FAM107B: variants seen among roughly 807,000 people sequenced by gnomAD.
FAM107B encodes protein FAM107B.
In FAM107B, 21 loss-of-function variants were observed where a neutral mutation model predicts 31.5. The ratio of observed to expected loss-of-function variants is 0.67; its 90% CI spans 0.47 to 0.96. The LOEUF (loss-of-function observed/expected upper bound fraction) is 0.96, where lower values mean the gene tolerates loss of function less well. Ranked by LOEUF, FAM107B falls within the 40% of genes least tolerant of loss-of-function variation. The pLI, the probability that FAM107B is intolerant of heterozygous loss-of-function variation, is 0.00. For synonymous variants in FAM107B, 157 were observed against 141.5 expected (o/e 1.11, Z -0.78); for missense variants, 452 against 377.1 (o/e 1.20, Z -1.64).
At chr10:14,705,849 A>G (rs1564631701) in intron 1 of FAM107B, among the ~76,000 whole-genome samples, 1 of 152,174 alleles carries the variant, frequency 6.6e-6, no homozygotes, top group East Asian at 1.9e-4. Context: ...CTGAGAGGCC[A>G]AAACAGATGC....
intron 2 of FAM107B, chr10:14,604,533 G>A (rs1396111911): frequency 1.3e-5 from 2 of 151,806 alleles, no homozygotes; most frequent in South Asian, 2.1e-4. Context: ...CGCGCGTCGG[G>A]CGGAGATCCA....
intron 2 of FAM107B, among the ~76,000 whole-genome samples, chr10:14,557,488 C>G (rs970994205): frequency 4.6e-5 from 7 of 152,234 alleles, no homozygotes; most frequent in African/African-American, 1.7e-4. Context: ...TTTCTCCCTA[C>G]TAAGTACCCA....
intron 1 of FAM107B, among the ~76,000 whole-genome samples, chr10:14,747,426 TTATC>T (rs1290381676): frequency 6.6e-6 from 1 of 152,242 alleles, no homozygotes; most frequent in Non-Finnish European, 1.5e-5. Context: ...CTTTGTGAGT[TTATC>T]TAGCTTCAAT....
intron 2 of FAM107B, among the ~76,000 whole-genome samples, chr10:14,639,766 T>C (rs532037142): frequency 1.4e-4 from 21 of 152,216 alleles, no homozygotes; most frequent in African/African-American, 4.6e-4. Flanking sequence ...TCCAGCCTCA[T>C]CTCCCATCTT....
intron 2 of FAM107B, among the ~76,000 whole-genome samples, chr10:14,576,509 A>G (rs1851470317): frequency 6.9e-6 from 1 of 145,712 alleles, no homozygotes; most frequent in Non-Finnish European, 1.5e-5. Context: ...CCTAGGCAAC[A>G]GTGCAAGACT....
chr10:14,644,594 C>T (rs1016029334), intron 2 of FAM107B, among the ~76,000 whole-genome samples: 1 of 152,208 alleles, frequency 6.6e-6, no homozygotes. Flanking sequence ...TTCTCATTTG[C>T]CATATGGCAT....
chr10:14,714,057 TA>T (rs1021694512), intron 1 of FAM107B, among the ~76,000 whole-genome samples: 1 of 151,652 alleles, frequency 6.6e-6, no homozygotes, highest in East Asian at 1.9e-4. Flanking sequence ...AAGGTGAGGA[TA>T]AAAAAAACTG....
chr10:14,744,427 G>C (rs941930009), intron 1 of FAM107B, among the ~76,000 whole-genome samples: 18 of 152,202 alleles, frequency 1.2e-4, no homozygotes, highest in Non-Finnish European at 1.6e-4. Flanking sequence ...TCTTGGGCCA[G>C]TTTTCAAGTG....
intron 1 of FAM107B, among the ~76,000 whole-genome samples, chr10:14,711,674 C>T (rs1041507649): frequency 1.3e-5 from 2 of 152,138 alleles, no homozygotes; most frequent in Admixed American, 6.5e-5. Context: ...GACAGAGTCT[C>T]GTTCTGTCGC....
At chr10:14,723,313 C>G (rs1315842858) in intron 1 of FAM107B, 1 of 541,652 alleles carries the variant, frequency 1.8e-6, no homozygotes, top group Non-Finnish European at 3.6e-6. Flanking sequence ...CACCTTCAGA[C>G]CAGTCTGCAA....
chr10:14,658,164 T>C (rs1479574807), intron 2 of FAM107B, among the ~76,000 whole-genome samples: 1 of 152,172 alleles, frequency 6.6e-6, no homozygotes, highest in African/African-American at 2.4e-5. Context: ...TTACTATTAT[T>C]TGAAATAGAG....
intron 1 of FAM107B, among the ~76,000 whole-genome samples, chr10:14,728,219 T>C (rs982441906): frequency 1.3e-5 from 2 of 152,226 alleles, no homozygotes; most frequent in Admixed American, 6.5e-5. Flanking sequence ...ATCATTTTTT[T>C]AGTCAAAGTT....
chr10:14,763,197 G>A (rs1382299721), intron 1 of FAM107B, among the ~76,000 whole-genome samples: 2 of 152,176 alleles, frequency 1.3e-5, no homozygotes, highest in Non-Finnish European at 2.9e-5. Context: ...GGGAGGCAGA[G>A]GTTGCAGTGA....
chr10:14,578,162 C>A (rs1851522277), intron 2 of FAM107B, among the ~76,000 whole-genome samples: 1 of 152,186 alleles, frequency 6.6e-6, no homozygotes, highest in Non-Finnish European at 1.5e-5. Flanking sequence ...GAATGAGCAA[C>A]TACGCTAACA....
At chr10:14,571,621 C>A (rs1851233857) in intron 2 of FAM107B, 2 of 268,266 alleles carry the variant, frequency 7.5e-6, no homozygotes, top group African/African-American at 2.3e-5. Flanking sequence ...TATTCAATAC[C>A]ACTCACTATA....
At chr10:14,701,306 G>A (rs1855393346) in intron 1 of FAM107B, among the ~76,000 whole-genome samples, 1 of 152,082 alleles carries the variant, frequency 6.6e-6, no homozygotes. Flanking sequence ...GTGCAGTGGT[G>A]TGATCTCGGC....
chr10:14,745,384 TG>T (rs1832704585), intron 1 of FAM107B, among the ~76,000 whole-genome samples: 1 of 152,208 alleles, frequency 6.6e-6, no homozygotes, highest in Non-Finnish European at 1.5e-5. Context: ...TTCTTTTCGC[TG>T]TGATGTTAGG....
At chr10:14,537,849 A>T (rs1046127479) in intron 2 of FAM107B, among the ~76,000 whole-genome samples, 1 of 151,834 alleles carries the variant, frequency 6.6e-6, no homozygotes, top group African/African-American at 2.4e-5. Flanking sequence ...AAAAAAAAAA[A>T]AAAATGAAAT....
In FAM107B at chr10:14,518,699, T is replaced by A. The variant is rs1288947188; in HGVS notation, c.*2491A>T. ...ATATTAAATTATGAAAACCAATCCATTAAGGCTCCCTTTATATATATTATA... is the reference window on the plus strand; with the variant it reads ...ATATTAAATTATGAAAACCAATCCAATAAGGCTCCCTTTATATATATTATA... On this transcript the variant is annotated 3_prime_UTR_variant, in exon 5 of 5. Coordinates refer to ENST00000181796, the MANE Select transcript of FAM107B (RefSeq NM_031453.4). 1 of 152,630 alleles carries A rather than the reference T, an allele frequency of 6.6e-6. No individual in the cohort carries two copies. The highest frequency in any genetic ancestry group is 1.5e-5 in the Non-Finnish European group (1 of 68,040). The allele number at this position is 152,630 out of a possible 1,614,324, so 9.5% of individuals were successfully genotyped here.
Sources: allele counts gnomAD v4.1 joint callset (sites outside exome capture counted in the v4.1 genomes callset), GRCh38; gene constraint gnomAD v4.1.1; transcripts MANE v1.5; gene names NCBI Gene and HGNC (gene_info 2026-07-23, HGNC 2026-07-21).